Variants in ADAM9 observed in about 807,000 individuals in gnomAD.
ADAM9 encodes disintegrin and metalloproteinase domain-containing protein 9.
Under a neutral mutation model 108.1 loss-of-function variants are expected in ADAM9, and 54 were observed. That is an observed-to-expected ratio of 0.50 (90% CI 0.40 to 0.63). The LOEUF is 0.63. Ranked by LOEUF, ADAM9 falls within the 20% of genes least tolerant of loss-of-function variation. The probability of loss-of-function intolerance (pLI) is 0.00; values close to 1 mark genes in which losing one functional copy is unlikely to be tolerated. For synonymous variants in ADAM9, 316 were observed against 336.0 expected (o/e 0.94, Z 0.65); for missense variants, 830 against 997.7 (o/e 0.83, Z 2.26).
At chr8:39,016,873 C>T (rs1400767059) in intron 5 of ADAM9, among the ~76,000 whole-genome samples, 1 of 152,172 alleles carries the variant, frequency 6.6e-6, no homozygotes, top group Non-Finnish European at 1.5e-5. Flanking sequence ...GGTTAAATAC[C>T]TCGCTGAGAG....
At chr8:39,018,783 A>G (rs1344228158) in intron 6 of ADAM9, 70 bp from the exon 7 acceptor site, 9 of 1,289,596 alleles carry the variant, frequency 7.0e-6, no homozygotes, top group Non-Finnish European at 1.0e-5. Flanking sequence ...GAAATAAGTG[A>G]TGAGAGATTA....
Position 39,104,449 on chromosome 8 carries a change from A to G in ADAM9, c.*749A>G. The G allele has an allele frequency of 2.4e-6, 1 of 410,036 alleles. No individual in the cohort carries two copies. The highest frequency in any genetic ancestry group is 4.8e-6 in the Non-Finnish European group (1 of 207,800). 25.4% of individuals were successfully genotyped at this position (410,036 alleles called of 1,614,324 possible). On this transcript the variant is annotated 3_prime_UTR_variant, in exon 22 of 22. Coordinates refer to ENST00000487273, the MANE Select transcript of ADAM9 (RefSeq NM_003816.3). ...TGAAAGCATGACATTCGTTCACAAT[A>G]GCACTATTTTAAATAAATTATAAGC...
intron 1 of ADAM9, among the ~76,000 whole-genome samples, chr8:39,002,844 CT>C (rs35651123): frequency 2.0e-5 from 3 of 150,914 alleles, no homozygotes; most frequent in Admixed American, 6.6e-5. Flanking sequence ...TTCTCTTTTT[CT>C]TTTTTTTTAG....
intron 1 of ADAM9, among the ~76,000 whole-genome samples, chr8:39,006,745 T>G (rs1039098978): frequency 6.6e-6 from 1 of 152,052 alleles, no homozygotes; most frequent in African/African-American, 2.4e-5. Flanking sequence ...ACCCAAGCCC[T>G]GCTTAAGACA....
At chr8:39,045,685 G>T (rs1459055414) in intron 12 of ADAM9, among the ~76,000 whole-genome samples, 2 of 151,864 alleles carry the variant, frequency 1.3e-5, no homozygotes, top group Non-Finnish European at 2.9e-5. Flanking sequence ...TATGAGTGCA[G>T]ATACCTTTTT....
At position 39,025,817 on chromosome 8, in the gene ADAM9, G is replaced by C; in HGVS notation, c.929G>C (p.Gly310Ala). Residue 310 changes from glycine (G) to alanine (A), a missense_variant, in exon 10 of 22, where the codon GGT becomes GCT. This residue lies in a region of ADAM9 where 381 missense variants were observed against 539.8 expected (regional missense o/e 0.71). Transcript: ENST00000487273. ...TTTTCATTTAGAAAGAAAGGTTTTG[G>C]TGGAACTGCAGGAATGGCATTTGTG... is the stretch of plus-strand genomic sequence containing the variant. ...SAQLVLKKGF[G>A]GTAGMAFVGT... 6.2e-7 allele frequency: 1 copy of C among 1,614,046 alleles called. No individual in the cohort carries two copies. Among genetic ancestry groups the C allele is most frequent in the East Asian group, 2.2e-5 (1 of 44,878 alleles).
chr8:38,997,644 T>C (rs1835864209), intron 1 of ADAM9, among the ~76,000 whole-genome samples: 1 of 152,238 alleles, frequency 6.6e-6, no homozygotes, highest in South Asian at 2.1e-4. Context: ...GGTTATAATT[T>C]GAAATTTTGA....
intron 6 of ADAM9, chr8:39,018,469 T>C (rs1215004078): frequency 1.0e-5 from 2 of 190,742 alleles, no homozygotes; most frequent in African/African-American, 4.7e-5. Flanking sequence ...CATTAAAATA[T>C]GTGTGTGTTT....
intron 7 of ADAM9, among the ~76,000 whole-genome samples, chr8:39,021,292 A>G (rs530199325): frequency 6.6e-6 from 1 of 151,748 alleles, no homozygotes; most frequent in South Asian, 2.1e-4. Flanking sequence ...TTTTATTTTT[A>G]TTTTTTTTGA....
chr8:39,072,114 A>G (rs1838714104), intron 15 of ADAM9, among the ~76,000 whole-genome samples: 1 of 152,240 alleles, frequency 6.6e-6, no homozygotes, highest in African/African-American at 2.4e-5. Context: ...TGAATTTAAA[A>G]TATTTTATAT....
At chr8:39,056,910 G>A (rs559072025) in intron 14 of ADAM9, among the ~76,000 whole-genome samples, 5 of 152,190 alleles carry the variant, frequency 3.3e-5, no homozygotes, top group East Asian at 3.9e-4. Context: ...TGTGTTGTGC[G>A]TTTATGTATA....
rs186922393 is a variant in ADAM9, at chr8:39,026,413, G to T, written c.997-264G>T. ...AGAATTAAATTAGAACCATTAACTT[G>T]TTTTCCTATAAACTACCATAAGTAA... On this transcript the variant is annotated intron_variant, in intron 10 of 21. Coordinates refer to ENST00000487273, the MANE Select transcript of ADAM9 (RefSeq NM_003816.3). 3.0e-4 allele frequency among the ~76,000 whole-genome samples: 46 copies of T among 152,274 alleles called. No individual in the cohort carries two copies. In the East Asian group the frequency reaches 7.5e-3, roughly 25 times the overall value.
chr8:39,104,671 G>A lies in ADAM9; in HGVS notation c.*971G>A, dbSNP rs1425427997. The A allele has an allele frequency of 2.2e-6, 1 of 453,486 alleles. No homozygotes were observed. The highest frequency in any genetic ancestry group is 4.4e-6 in the Non-Finnish European group (1 of 226,586). 28.1% of individuals were successfully genotyped at this position (453,486 alleles called of 1,614,324 possible). On this transcript the variant is annotated 3_prime_UTR_variant, in exon 22 of 22. Coordinates refer to ENST00000487273, the MANE Select transcript of ADAM9 (RefSeq NM_003816.3). ...ATGTTTACATTTACTAAGGTGTGCT[G>A]GGTCATGTAAAATATTAGACACTAA...
At chr8:39,032,076 T>A (rs1216258079) in intron 11 of ADAM9, among the ~76,000 whole-genome samples, 1 of 152,162 alleles carries the variant, frequency 6.6e-6, no homozygotes, top group Non-Finnish European at 1.5e-5. Flanking sequence ...CTGTGTGAGG[T>A]GTCATTGGCC....
At chr8:39,022,159 G>A (rs1406414678) in intron 8 of ADAM9, among the ~76,000 whole-genome samples, 1 of 151,768 alleles carries the variant, frequency 6.6e-6, no homozygotes, top group Non-Finnish European at 1.5e-5. Flanking sequence ...AGTTCATCCG[G>A]TGGGAGATAT....
rs182569366 is a variant in ADAM9 at position 39,006,643 on chromosome 8, A to G, written c.98-1243A>G. ...GTTGTGTTGGACTTATCGAGAGACT[A>G]TGTATTGGACTCCCACATGGTGTGT... On this transcript the variant is annotated intron_variant, in intron 1 of 21. Transcript: ENST00000487273. Among the ~76,000 whole-genome samples the G allele has an allele frequency of 3.6e-4, 54 of 151,668 alleles. No individual in the cohort carries two copies. In the East Asian group the frequency reaches 9.9e-3, roughly 28 times the overall value.
At chr8:39,031,602 T>G (rs1162787156) in intron 11 of ADAM9, among the ~76,000 whole-genome samples, 1 of 152,184 alleles carries the variant, frequency 6.6e-6, no homozygotes, top group Non-Finnish European at 1.5e-5. Flanking sequence ...ATATCCTCCT[T>G]TAGCTTGGAG....
intron 11 of ADAM9, among the ~76,000 whole-genome samples, chr8:39,035,991 G>A (rs781403089): frequency 4.0e-5 from 6 of 150,718 alleles, no homozygotes; most frequent in Non-Finnish European, 5.9e-5. Context: ...TACTTCATAG[G>A]CTGTTTAATA....
intron 11 of ADAM9, among the ~76,000 whole-genome samples, chr8:39,028,236 A>C (rs547837502): frequency 5.3e-5 from 8 of 152,334 alleles, no homozygotes; most frequent in African/African-American, 1.7e-4. Flanking sequence ...CTGAGTGGAC[A>C]AGACAATTTC....
Sources: gnomAD v4.1 joint callset for allele counts (sites outside exome capture counted in the v4.1 genomes callset) on GRCh38, gnomAD v4.1.1 for gene constraint, gnomAD v4.1.1 regional missense constraint, MANE v1.5 for transcripts, NCBI Gene and HGNC (gene_info 2026-07-23, HGNC 2026-07-21) for gene names.